Variants in DST observed in about 807,000 individuals in gnomAD.
The protein encoded by DST is bullous pemphigoid antigen.
Under a neutral mutation model 875.2 loss-of-function variants are expected in DST, and 253 were observed. That is an observed-to-expected ratio of 0.29 (90% confidence interval 0.26 to 0.32). DST has a LOEUF of 0.32. Among genes scored for constraint, DST ranks in the 10% least tolerant of loss-of-function variants. The pLI is 1.00. For synonymous variants in DST, 3,124 were observed against 3,197.1 expected (o/e 0.98, Z 0.77); for missense variants, 8,287 against 9,111.6 (o/e 0.91, Z 3.68).
Position 56,489,486 on chromosome 6 carries a change from C to T in DST, c.20877+4G>A, listed in dbSNP as rs2095668268. The T allele has an allele frequency of 6.2e-7, 1 of 1,606,632 alleles. No individual in the cohort carries two copies. The highest frequency in any genetic ancestry group is 1.7e-5 in the Admixed American group (1 of 59,286). On this transcript the variant is annotated splice_donor_region_variant and intron_variant, in intron 86 of 103. Coordinates refer to ENST00000680361, the MANE Select transcript of DST (RefSeq NM_001374736.1). ...CAATATGCTCTTCTTAATTATGGAC[C>T]CACCTTATGTTGTGCAAGTTGTGTT...
At position 56,561,504 on chromosome 6, in the gene DST, T is replaced by A; in HGVS notation, c.14114A>T (p.Tyr4705Phe). The A allele has an allele frequency of 6.2e-7, 1 of 1,613,734 alleles. No individual in the cohort carries two copies. Among genetic ancestry groups the A allele is most frequent in the Non-Finnish European group, 8.5e-7 (1 of 1,179,694 alleles). Residue 4705 changes from tyrosine to phenylalanine, a missense_variant, in exon 57 of 104, where the codon TAT (tyrosine) becomes TTT (phenylalanine). Tyr to Phe is a conservative substitution (Grantham distance 22). Transcript: ENST00000680361. ...CTTGAGTAAGAGGCCAAGATCTTCA[T>A]AACCATGACTTATGTCAGTCATGTC... is the stretch of plus-strand genomic sequence containing the variant. Reference protein sequence around the residue: ...KKDMTDISHGYEDLGLLLKDK... With the variant: ...KKDMTDISHGFEDLGLLLKDK...
chr6:56,617,927 A>C, intron 36 of DST: 1 of 1,470,236 alleles, frequency 6.8e-7, no homozygotes, highest in Non-Finnish European at 9.5e-7. Context: ...GAGAGAAAGG[A>C]AACAAATGAG....
chr6:56,736,807 C>T (rs569570079), intron 4 of DST, among the ~76,000 whole-genome samples: 17 of 152,152 alleles, frequency 1.1e-4, no homozygotes, highest in South Asian at 4.1e-4. Flanking sequence ...TATGAAAAAA[C>T]AGCAAGAAGA....
At chr6:56,893,069 T>C (rs1241393006) in intron 3 of DST, among the ~76,000 whole-genome samples, 1 of 152,232 alleles carries the variant, frequency 6.6e-6, no homozygotes, top group Admixed American at 6.5e-5. Flanking sequence ...GTAAGTTCTT[T>C]AGTGGTGATT....
chr6:56,536,806 A>G lies in DST; in HGVS notation c.16743T>C (p.Asn5581=), dbSNP rs766999104. 1.3e-6 allele frequency: 2 copies of G among 1,595,806 alleles called. No homozygotes were observed. The highest frequency in any genetic ancestry group is 2.3e-5 in the East Asian group (1 of 44,426). ...QGLEHDLDDV[N]ARWKTLNKKV... ...TCTTATTGAGAGTCTTCCACCGTGC[A>G]TTGACATCATCCAGGTCATGCTCCA... Residue 5581 remains asparagine (N), a synonymous_variant, in exon 62 of 104, where the codon AAT becomes AAC. Transcript: ENST00000680361.
At chr6:56,913,884 G>A (rs1799763743) in intron 2 of DST, among the ~76,000 whole-genome samples, 1 of 152,162 alleles carries the variant, frequency 6.6e-6, no homozygotes, top group Non-Finnish European at 1.5e-5. Flanking sequence ...TTCCTAATCT[G>A]ATGATTTTTT....
chr6:56,597,660 G>T (rs2098404419), intron 47 of DST, 80 bp downstream of exon 47: 8 of 1,436,256 alleles, frequency 5.6e-6, no homozygotes, highest in East Asian at 2.3e-5. Context: ...GGTTTGAAAA[G>T]AACTCATGTG....
chr6:56,481,321 A>C (rs1369391444), intron 90 of DST, among the ~76,000 whole-genome samples: 1 of 152,238 alleles, frequency 6.6e-6, no homozygotes, highest in East Asian at 1.9e-4. Flanking sequence ...TTACCATTTC[A>C]AATTCTTGAC....
chr6:56,831,867 G>A (rs1454292285), intron 4 of DST, among the ~76,000 whole-genome samples: 1 of 151,902 alleles, frequency 6.6e-6, no homozygotes, highest in Non-Finnish European at 1.5e-5. Flanking sequence ...TGAAGCATAT[G>A]ATCAATTAAT....
intron 10 of DST, among the ~76,000 whole-genome samples, chr6:56,654,613 C>T (rs6903517): frequency 0.11 from 14,817 of 137,430 alleles, 2,027 homozygotes; most frequent in African/African-American, 0.35. Context: ...TATCTCCACA[C>T]GTATATATAC....
intron 4 of DST, among the ~76,000 whole-genome samples, chr6:56,793,481 G>A (rs1412787763): frequency 6.6e-6 from 1 of 152,134 alleles, no homozygotes; most frequent in Non-Finnish European, 1.5e-5. Flanking sequence ...TAGACTTTAA[G>A]TTTTTCAAAA....
intron 4 of DST, among the ~76,000 whole-genome samples, chr6:56,753,421 T>C (rs764747782): frequency 3.9e-5 from 6 of 152,206 alleles, no homozygotes; most frequent in Non-Finnish European, 8.8e-5. Context: ...CTACTAACTC[T>C]ATTGGCTAAA....
rs577271737 is a variant in DST at position 56,889,104 on chromosome 6, T to G, written c.417+11317A>C. On this transcript the variant is annotated intron_variant, in intron 3 of 103. Coordinates refer to ENST00000680361, the MANE Select transcript of DST (RefSeq NM_001374736.1). ...GCGATCCTCAGTCCTCTTCCCAAAC[T>G]CTCATCACTGGCAGACTCCAAGGCT... 3.9e-5 allele frequency among the ~76,000 whole-genome samples: 6 copies of G among 152,298 alleles called. No individual in the cohort carries two copies. The East Asian group carries it at 1.2e-3, about 29-fold the overall frequency.
chr6:56,635,554 C>T (rs2098816843), intron 24 of DST, 35 bp downstream of exon 24: 1 of 1,608,686 alleles, frequency 6.2e-7, no homozygotes, highest in African/African-American at 1.3e-5. Context: ...ATCACTTATG[C>T]ATACTTATAA....
rs767019076 is a variant in DST at position 56,639,646 on chromosome 6, T to G, written c.2698-35A>C. 2.5e-6 allele frequency: 4 copies of G among 1,613,596 alleles called. No individual in the cohort carries two copies. In the African/African-American group the frequency reaches 4.0e-5, roughly 16 times the overall value. On this transcript the variant is annotated intron_variant, in intron 20 of 103. Transcript: ENST00000680361. ...GGAAAATCATCATAAGAATCATGTT[T>G]TTGCCAAATATAGATAAGGGAAACA...
intron 10 of DST, among the ~76,000 whole-genome samples, chr6:56,656,752 C>T (rs1012650979): frequency 1.3e-5 from 2 of 152,108 alleles, no homozygotes; most frequent in African/African-American, 4.8e-5. Flanking sequence ...CCATATGAAG[C>T]TGAGAATACA....
chr6:56,486,709 G>A (rs905023675), intron 87 of DST, among the ~76,000 whole-genome samples: 5 of 152,094 alleles, frequency 3.3e-5, no homozygotes, highest in African/African-American at 1.2e-4. Flanking sequence ...TTCAATGCAT[G>A]CCCAGTAGTA....
chr6:56,790,432 A>C (rs2099717918), intron 4 of DST, among the ~76,000 whole-genome samples: 1 of 152,168 alleles, frequency 6.6e-6, no homozygotes, highest in South Asian at 2.1e-4. Flanking sequence ...ACATTTTAAA[A>C]ACTGTCTTAT....
At chr6:56,673,989 C>G (rs1391881951) in intron 9 of DST, among the ~76,000 whole-genome samples, 1 of 152,124 alleles carries the variant, frequency 6.6e-6, no homozygotes, top group East Asian at 1.9e-4. Flanking sequence ...ACTATGCAAC[C>G]AAAATTAAAA....
Sources: allele counts gnomAD v4.1 joint callset (sites outside exome capture counted in the v4.1 genomes callset), GRCh38; gene constraint gnomAD v4.1.1; transcripts MANE v1.5; gene names NCBI Gene and HGNC (gene_info 2026-07-23, HGNC 2026-07-21).